Variants in SUGCT observed in about 807,000 individuals in gnomAD.
The protein encoded by SUGCT is succinyl-CoA:glutarate CoA-transferase.
In SUGCT, 41 loss-of-function variants were observed where a neutral mutation model predicts 55.0. That is an observed-to-expected ratio of 0.74 (90% CI 0.58 to 0.97). The LOEUF (loss-of-function observed/expected upper bound fraction) is 0.97, where lower values mean the gene tolerates loss of function less well. SUGCT is among the 50% of genes least tolerant of loss of function. The pLI is 0.00. For synonymous variants in SUGCT, 187 were observed against 200.4 expected (o/e 0.93, Z 0.56); for missense variants, 568 against 547.8 (o/e 1.04, Z -0.37).
the SUGCT span, among the ~76,000 whole-genome samples, chr7:40,949,744 T>G: frequency 6.6e-6 from 1 of 152,200 alleles, no homozygotes; most frequent in African/African-American, 2.4e-5. Context: ...TTGTCAGGTT[T>G]GTCAAAGATC....
chr7:40,483,781 T>C (rs1232115549), intron 11 of SUGCT, among the ~76,000 whole-genome samples: 1 of 152,034 alleles, frequency 6.6e-6, no homozygotes. Context: ...TTTCTCCAAC[T>C]GTGGGAACTA....
chr7:40,387,295 T>C (rs1785175195), intron 9 of SUGCT, among the ~76,000 whole-genome samples: 2 of 152,166 alleles, frequency 1.3e-5, no homozygotes, highest in African/African-American at 4.8e-5. Context: ...CCTTCCTGTA[T>C]GGTCTGATTT....
the SUGCT span, among the ~76,000 whole-genome samples, chr7:40,891,117 G>GA: frequency 5.7e-4 from 85 of 149,954 alleles, no homozygotes; most frequent in African/African-American, 1.9e-3. Context: ...CCAAGTAGAG[G>GA]AAAAAAAAAG....
At chr7:40,581,321 A>T (rs1797077524) in intron 12 of SUGCT, among the ~76,000 whole-genome samples, 1 of 152,242 alleles carries the variant, frequency 6.6e-6, no homozygotes, top group South Asian at 2.1e-4. Context: ...CATAATTTAG[A>T]TGAGGAAATA....
intron 12 of SUGCT, among the ~76,000 whole-genome samples, chr7:40,727,731 G>A (rs1786679511): frequency 6.6e-6 from 1 of 152,328 alleles, no homozygotes; most frequent in East Asian, 1.9e-4. Context: ...ACTATGTGCA[G>A]AAAGAGAATT....
intron 12 of SUGCT, among the ~76,000 whole-genome samples, chr7:40,504,415 A>T (rs1468802990): frequency 6.6e-6 from 1 of 151,710 alleles, no homozygotes; most frequent in Non-Finnish European, 1.5e-5. Context: ...AAGTGCTGGG[A>T]TTATGTACCT....
At chr7:40,602,897 T>A (rs1418823125) in intron 12 of SUGCT, among the ~76,000 whole-genome samples, 1 of 152,182 alleles carries the variant, frequency 6.6e-6, no homozygotes, top group African/African-American at 2.4e-5. Flanking sequence ...TATTCTCACT[T>A]TCTTCTAGAA....
the SUGCT span, among the ~76,000 whole-genome samples, chr7:40,885,962 T>C: frequency 1.3e-5 from 2 of 152,218 alleles, no homozygotes; most frequent in Non-Finnish European, 1.5e-5. Flanking sequence ...GACCTTTCTT[T>C]ACCTTTCCCC....
At chr7:40,606,744 A>G (rs965457593) in intron 12 of SUGCT, among the ~76,000 whole-genome samples, 1 of 152,166 alleles carries the variant, frequency 6.6e-6, no homozygotes, top group Non-Finnish European at 1.5e-5. Context: ...ATGTCAACCA[A>G]CGTAAGCTTT....
intron 9 of SUGCT, among the ~76,000 whole-genome samples, chr7:40,320,889 A>G (rs778294796): frequency 6.6e-6 from 1 of 152,164 alleles, no homozygotes; most frequent in Non-Finnish European, 1.5e-5. Flanking sequence ...GTCATCACCC[A>G]AATAGTGTAT....
At chr7:40,574,288 G>A (rs1380267490) in intron 12 of SUGCT, among the ~76,000 whole-genome samples, 2 of 151,976 alleles carry the variant, frequency 1.3e-5, no homozygotes, top group East Asian at 3.9e-4. Flanking sequence ...TTTATCCCCA[G>A]TTCTCCAATA....
chr7:40,611,115 T>C (rs1054554147), intron 12 of SUGCT, among the ~76,000 whole-genome samples: 1 of 152,080 alleles, frequency 6.6e-6, no homozygotes, highest in Admixed American at 6.5e-5. Context: ...CATTTCATGG[T>C]TCACTCATAC....
intron 13 of SUGCT, among the ~76,000 whole-genome samples, chr7:40,759,451 T>C (rs1788427182): frequency 1.3e-5 from 2 of 152,166 alleles, no homozygotes; most frequent in South Asian, 4.1e-4. Context: ...TCTGGGACAA[T>C]TCAGTAAACC....
At chr7:40,845,976 A>T (rs1403803820) in intron 13 of SUGCT, among the ~76,000 whole-genome samples, 1 of 152,218 alleles carries the variant, frequency 6.6e-6, no homozygotes, top group African/African-American at 2.4e-5. Context: ...GGTAAGAGCC[A>T]CAGATAAGCA....
intron 12 of SUGCT, among the ~76,000 whole-genome samples, chr7:40,531,847 A>G (rs1246480129): frequency 6.6e-6 from 1 of 151,714 alleles, no homozygotes; most frequent in African/African-American, 2.4e-5. Context: ...CTAATTTTTT[A>G]TATTTTTAGT....
intron 11 of SUGCT, among the ~76,000 whole-genome samples, chr7:40,470,587 C>G (rs1790351388): frequency 2.0e-5 from 3 of 152,084 alleles, no homozygotes; most frequent in South Asian, 2.1e-4. Context: ...GTCATGTTTT[C>G]CCCAGTTCAC....
chr7:40,373,420 TA>T (rs148695545), intron 9 of SUGCT, among the ~76,000 whole-genome samples: 14,986 of 151,342 alleles, frequency 0.099, 1,142 homozygotes, highest in East Asian at 0.44. Context: ...TAAAACTTTA[TA>T]AATTTTATTT....
At chr7:40,444,969 C>A (rs1583693108) in intron 9 of SUGCT, among the ~76,000 whole-genome samples, 1 of 152,256 alleles carries the variant, frequency 6.6e-6, no homozygotes, top group East Asian at 1.9e-4. Context: ...TTTTCTGCAT[C>A]TATGGAGGTA....
chr7:40,637,684 T>C (rs2151819177), intron 12 of SUGCT, among the ~76,000 whole-genome samples: 1 of 152,342 alleles, frequency 6.6e-6, no homozygotes, highest in South Asian at 2.1e-4. Flanking sequence ...ACTGAGAACC[T>C]GGACAGATGC....
Sources: gnomAD v4.1 joint callset for allele counts (sites outside exome capture counted in the v4.1 genomes callset) on GRCh38, gnomAD v4.1.1 for gene constraint, MANE v1.5 for transcripts, NCBI Gene and HGNC (gene_info 2026-07-23, HGNC 2026-07-21) for gene names.